The following TTC23 variants were observed in gnomAD, a reference collection of about 807,000 sequenced individuals.
The protein encoded by TTC23 is tetratricopeptide repeat protein 23.
In TTC23, 58 loss-of-function variants were observed where a neutral mutation model predicts 55.1. The observed-to-expected ratio is 1.05, with a 90% confidence interval of 0.85 to 1.31. The LOEUF (loss-of-function observed/expected upper bound fraction) is 1.31, where lower values mean the gene tolerates loss of function less well. Ranked by LOEUF, TTC23 falls within the 50% of genes most tolerant of loss-of-function variation. TTC23 has a pLI of 0.00. For missense variants in TTC23, 516 were observed against 534.4 expected, an observed-to-expected ratio of 0.97 and a Z score of 0.34; for synonymous variants, 203 against 199.9, an observed-to-expected ratio of 1.02 and a Z score of -0.13.
intron 8 of TTC23, among the ~76,000 whole-genome samples, chr15:99,215,055 C>A (rs949173227): frequency 3.6e-4 from 54 of 151,604 alleles, no homozygotes; most frequent in African/African-American, 1.2e-3. Context: ...AGGGTCTCGC[C>A]ATGTTAGCTA....
At chr15:99,172,266 T>C (rs148250062) in intron 10 of TTC23, among the ~76,000 whole-genome samples, 89 of 152,016 alleles carry the variant, frequency 5.9e-4, no homozygotes, top group African/African-American at 2.1e-3. Context: ...GATCCACCCA[T>C]CTTGGCCTCC....
At chr15:99,202,714 C>T (rs921174668) in intron 8 of TTC23, among the ~76,000 whole-genome samples, 1 of 152,134 alleles carries the variant, frequency 6.6e-6, no homozygotes, top group African/African-American at 2.4e-5. Flanking sequence ...TCAAATAATA[C>T]CTGACTCCCA....
At chr15:99,150,277 C>T (rs1473521813) in intron 12 of TTC23, among the ~76,000 whole-genome samples, 2 of 152,252 alleles carry the variant, frequency 1.3e-5, no homozygotes, top group Middle Eastern at 3.4e-3. Flanking sequence ...ATTCTTGGTC[C>T]ACTCCATTCC....
At chr15:99,187,463 A>AC (rs1390756972) in intron 9 of TTC23, among the ~76,000 whole-genome samples, 1 of 111,580 alleles carries the variant, frequency 9.0e-6, no homozygotes, top group Non-Finnish European at 2.2e-5. Context: ...AAAAAAAAAA[A>AC]AAAAACAAAA....
At chr15:99,171,722 C>G (rs567465411) in intron 10 of TTC23, among the ~76,000 whole-genome samples, 21 of 151,608 alleles carry the variant, frequency 1.4e-4, no homozygotes, top group Non-Finnish European at 2.1e-4. Context: ...AACACAACAC[C>G]CAGCTAATTT....
At position 99,190,112 on chromosome 15, in the gene TTC23, C is replaced by G. The variant is rs150391720; in HGVS notation, c.759+9807G>C. On this transcript the variant is annotated intron_variant, in intron 9 of 13. Transcript: ENST00000394132. ...AGGAGGATTGCTTGACCTGGGAGGG[C>G]GAGGCTGCAGTGAGCTGTGTTTGCG... 2.0e-5 allele frequency among the ~76,000 whole-genome samples: 3 copies of G among 151,866 alleles called. No homozygotes were observed. The East Asian group carries it at 5.8e-4, about 29-fold the overall frequency.
intron 9 of TTC23, among the ~76,000 whole-genome samples, chr15:99,197,302 C>A (rs2075817952): frequency 6.6e-6 from 1 of 151,978 alleles, no homozygotes; most frequent in South Asian, 2.1e-4. Flanking sequence ...TGGGGTTTCA[C>A]CATGTTAGCC....
intron 1 of TTC23, among the ~76,000 whole-genome samples, chr15:99,248,942 C>A (rs890799772): frequency 2.0e-5 from 3 of 152,070 alleles, no homozygotes; most frequent in Admixed American, 6.6e-5. Context: ...CCCTAATCCA[C>A]AAATATACAC....
chr15:99,196,915 A>G (rs143831833), intron 9 of TTC23, among the ~76,000 whole-genome samples: 1 of 152,258 alleles, frequency 6.6e-6, no homozygotes, highest in Non-Finnish European at 1.5e-5. Flanking sequence ...CCCACTGCCC[A>G]AGCAGAGGGA....
intron 9 of TTC23, among the ~76,000 whole-genome samples, chr15:99,188,423 G>T (rs2074929429): frequency 6.6e-6 from 1 of 152,002 alleles, no homozygotes; most frequent in South Asian, 2.1e-4. Flanking sequence ...ACAAAACTCT[G>T]TGAATATAAT....
chr15:99,149,299 A>G (rs2069387197), intron 12 of TTC23, among the ~76,000 whole-genome samples: 1 of 152,210 alleles, frequency 6.6e-6, no homozygotes, highest in South Asian at 2.1e-4. Flanking sequence ...CTTCAGAAAT[A>G]CGAGTGCCCA....
chr15:99,202,583 T>G (rs1479126271), intron 8 of TTC23, among the ~76,000 whole-genome samples: 1 of 151,994 alleles, frequency 6.6e-6, no homozygotes, highest in Non-Finnish European at 1.5e-5. Flanking sequence ...TGTTTGGGGG[T>G]TTGTTAATAG....
intron 9 of TTC23, among the ~76,000 whole-genome samples, chr15:99,196,758 CCA>C (rs2075751417): frequency 6.6e-6 from 1 of 152,208 alleles, no homozygotes; most frequent in Non-Finnish European, 1.5e-5. Context: ...ATTCTCCATA[CCA>C]CAGAGTGGTC....
intron 9 of TTC23, among the ~76,000 whole-genome samples, chr15:99,190,686 C>T (rs2075174667): frequency 6.6e-6 from 1 of 152,190 alleles, no homozygotes; most frequent in South Asian, 2.1e-4. Flanking sequence ...ACTTCCCATT[C>T]CCAAAGTGCT....
chr15:99,167,956 A>G (rs1011135410), intron 10 of TTC23, among the ~76,000 whole-genome samples: 35 of 152,368 alleles, frequency 2.3e-4, no homozygotes, highest in African/African-American at 8.4e-4. Flanking sequence ...TCCCTCACCC[A>G]GGAAACACAT....
chr15:99,155,963 TA>T, intron 12 of TTC23, 184 bp downstream of exon 12: 1 of 687,856 alleles, frequency 1.5e-6, no homozygotes, highest in Non-Finnish European at 2.4e-6. Flanking sequence ...TATGTATGTC[TA>T]AGAGGCTTAC....
chr15:99,149,699 C>T (rs1386119048), intron 12 of TTC23, among the ~76,000 whole-genome samples: 1 of 152,246 alleles, frequency 6.6e-6, no homozygotes, highest in African/African-American at 2.4e-5. Flanking sequence ...CACTGGCTTA[C>T]TTCTGGGAGC....
chr15:99,186,117 AT>A (rs2074637914), intron 9 of TTC23, among the ~76,000 whole-genome samples: 1 of 152,354 alleles, frequency 6.6e-6, no homozygotes, highest in Admixed American at 6.5e-5. Flanking sequence ...AAAGAGAAGG[AT>A]TGAAAAATGT....
intron 8 of TTC23, among the ~76,000 whole-genome samples, chr15:99,209,708 T>TGGTA (rs1171737411): frequency 6.6e-6 from 1 of 152,104 alleles, no homozygotes; most frequent in Non-Finnish European, 1.5e-5. Context: ...GGTCAATAAT[T>TGGTA]GGTAGCTAGT....
Sources: gnomAD v4.1 joint callset for allele counts (sites outside exome capture counted in the v4.1 genomes callset) on GRCh38, gnomAD v4.1.1 for gene constraint, MANE v1.5 for transcripts, NCBI Gene and HGNC (gene_info 2026-07-23, HGNC 2026-07-21) for gene names.